The following EYS variants were observed in gnomAD, a reference collection of about 807,000 sequenced individuals.
EYS encodes the protein EGF-like photoreceptor maintenance factor.
Under a neutral mutation model 282.1 loss-of-function variants are expected in EYS, and 250 were observed. The ratio of observed to expected loss-of-function variants is 0.89; its 90% CI spans 0.80 to 0.98. EYS has a LOEUF of 0.98. Ranked by LOEUF, EYS falls within the 50% of genes least tolerant of loss-of-function variation. The probability of loss-of-function intolerance (pLI) is 0.00; values close to 1 mark genes in which losing one functional copy is unlikely to be tolerated. For synonymous variants in EYS, 1,355 were observed against 1,282.9 expected (o/e 1.06, Z -1.20); for missense variants, 4,016 against 3,709.0 (o/e 1.08, Z -2.15).
chr6:65,320,256 A>G (rs951463178), intron 11 of EYS, among the ~76,000 whole-genome samples: 1 of 151,740 alleles, frequency 6.6e-6, no homozygotes, highest in African/African-American at 2.4e-5. Context: ...GAGATTCCAA[A>G]AGGAATAGAA....
intron 12 of EYS, among the ~76,000 whole-genome samples, chr6:65,293,509 T>C (rs1768583587): frequency 6.6e-6 from 1 of 151,862 alleles, no homozygotes; most frequent in Non-Finnish European, 1.5e-5. Flanking sequence ...AGTGGTTTTC[T>C]GCAGAGAAGA....
At chr6:65,193,027 C>T (rs1364023494) in intron 12 of EYS, among the ~76,000 whole-genome samples, 2 of 151,854 alleles carry the variant, frequency 1.3e-5, no homozygotes, top group Non-Finnish European at 2.9e-5. Context: ...TTTGCAACAA[C>T]ATGGATAGAA....
At chr6:65,361,537 G>T (rs1271621877) in intron 8 of EYS, among the ~76,000 whole-genome samples, 1 of 148,672 alleles carries the variant, frequency 6.7e-6, no homozygotes. Context: ...CTGGAATGCA[G>T]TAGTGCTATC....
Position 64,107,210 on chromosome 6 carries a change from A to G in EYS, c.6425-25208T>C, listed in dbSNP as rs555339723. On this transcript the variant is annotated intron_variant, in intron 31 of 42. Coordinates refer to ENST00000503581, the MANE Select transcript of EYS (RefSeq NM_001142800.2). ...GTACAGTCCCTTCAAACAGTGTATGAGTTGGATTCTCTAGAGGAACAGAAC... is the reference window on the plus strand; with the variant it reads ...GTACAGTCCCTTCAAACAGTGTATGGGTTGGATTCTCTAGAGGAACAGAAC... 2.8e-5 allele frequency among the ~76,000 whole-genome samples: 4 copies of G among 141,816 alleles called. No homozygotes were observed. The South Asian group carries it at 8.7e-4, about 31-fold the overall frequency. 93.0% of individuals were successfully genotyped at this position (141,816 alleles called of 152,430 possible).
intron 31 of EYS, among the ~76,000 whole-genome samples, chr6:64,135,378 G>A (rs1264306139): frequency 6.6e-6 from 1 of 152,048 alleles, no homozygotes. Context: ...TTGCACATAT[G>A]ATCAAAATTT....
At chr6:65,178,975 A>G (rs1765300912) in intron 12 of EYS, among the ~76,000 whole-genome samples, 1 of 152,050 alleles carries the variant, frequency 6.6e-6, no homozygotes, top group Non-Finnish European at 1.5e-5. Flanking sequence ...GGTACATAAC[A>G]AAATGAAGGC....
At chr6:64,019,272 G>C (rs1769058759) in intron 33 of EYS, among the ~76,000 whole-genome samples, 1 of 152,146 alleles carries the variant, frequency 6.6e-6, no homozygotes, top group Non-Finnish European at 1.5e-5. Context: ...AGTGCAGCCT[G>C]CCTACATAAC....
chr6:65,159,519 T>C lies in EYS; in HGVS notation c.2024-101792A>G, dbSNP rs115468461. Among the ~76,000 whole-genome samples, 972 of 151,034 alleles carry C rather than the reference T, an allele frequency of 6.4e-3. 13 individuals are homozygous for C. Among genetic ancestry groups the C allele is most frequent in the African/African-American group, 0.022 (915 of 41,398 alleles). On this transcript the variant is annotated intron_variant, in intron 12 of 42. Coordinates refer to ENST00000503581, the MANE Select transcript of EYS (RefSeq NM_001142800.2). ...AGTCAGGAGGCCCACAGAATTTAAA[T>C]GTTTTTTTGAGCACACGTTCAAAAT...
At chr6:64,151,317 T>TTATATATATATTTA (rs1774704617) in intron 31 of EYS, among the ~76,000 whole-genome samples, 1 of 52,472 alleles carries the variant, frequency 1.9e-5, no homozygotes, top group African/African-American at 9.4e-5. Context: ...GTGTGTATAT[T>TTATATATATATTTA]TATATATATA....
chr6:64,582,303 G>T (rs910650733), intron 26 of EYS, among the ~76,000 whole-genome samples: 1 of 152,116 alleles, frequency 6.6e-6, no homozygotes, highest in Non-Finnish European at 1.5e-5. Flanking sequence ...GGTGAACCCC[G>T]TTGTGAACTG....
intron 35 of EYS, among the ~76,000 whole-genome samples, chr6:63,925,501 G>A (rs909393383): frequency 6.6e-6 from 1 of 152,118 alleles, no homozygotes; most frequent in African/African-American, 2.4e-5. Flanking sequence ...ACGTATTTCT[G>A]GTTTCTTTGG....
chr6:64,285,722 C>T (rs1446744747), intron 30 of EYS, among the ~76,000 whole-genome samples: 1 of 152,142 alleles, frequency 6.6e-6, no homozygotes, highest in Admixed American at 6.6e-5. Flanking sequence ...GGAGGCTTCA[C>T]AATCATAATG....
intron 1 of EYS, among the ~76,000 whole-genome samples, chr6:65,706,198 G>T (rs1159618540): frequency 7.0e-6 from 1 of 143,836 alleles, no homozygotes; most frequent in African/African-American, 2.7e-5. Flanking sequence ...GTATATATAT[G>T]AGCATATATA....
chr6:65,516,833 G>C (rs188164368), intron 2 of EYS, among the ~76,000 whole-genome samples: 1 of 152,120 alleles, frequency 6.6e-6, no homozygotes, highest in Admixed American at 6.6e-5. Flanking sequence ...AAAGGAAGAA[G>C]AGTTTATGAG....
intron 31 of EYS, among the ~76,000 whole-genome samples, chr6:64,184,747 T>A (rs190675441): frequency 6.6e-6 from 1 of 152,294 alleles, no homozygotes; most frequent in East Asian, 1.9e-4. Flanking sequence ...CACAAATCAG[T>A]TTTGAAATCT....
chr6:64,099,065 C>T lies in EYS; in HGVS notation c.6425-17063G>A, dbSNP rs190856688. ...AAGGCCACAGTGAGATATTCTAATG[C>T]CTCAATCCTTCTAATTTATCTTCTG... On this transcript the variant is annotated intron_variant, in intron 31 of 42. Coordinates refer to ENST00000503581, the MANE Select transcript of EYS (RefSeq NM_001142800.2). Among the ~76,000 whole-genome samples the T allele has an allele frequency of 2.4e-3, 367 of 152,184 alleles. 2 individuals carry two copies. Among genetic ancestry groups the T allele is most frequent in the African/African-American group, 8.4e-3 (348 of 41,512 alleles).
intron 29 of EYS, among the ~76,000 whole-genome samples, chr6:64,308,464 A>AT (rs1168915404): frequency 1.3e-5 from 2 of 152,082 alleles, no homozygotes; most frequent in Non-Finnish European, 2.9e-5. Context: ...ATGAGCATTC[A>AT]TTCAGATGCT....
intron 2 of EYS, among the ~76,000 whole-genome samples, chr6:65,512,762 C>T (rs889432349): frequency 1.3e-5 from 2 of 151,916 alleles, no homozygotes; most frequent in Admixed American, 1.3e-4. Flanking sequence ...ACACAGCATA[C>T]CAGAATCTCT....
intron 31 of EYS, among the ~76,000 whole-genome samples, chr6:64,157,809 T>C (rs1450117713): frequency 6.6e-6 from 1 of 151,996 alleles, no homozygotes; most frequent in Non-Finnish European, 1.5e-5. Context: ...GCTGCAGGAG[T>C]GCGGCACTAA....
Sources: allele counts gnomAD v4.1 joint callset (sites outside exome capture counted in the v4.1 genomes callset), GRCh38; gene constraint gnomAD v4.1.1; transcripts MANE v1.5; gene names NCBI Gene and HGNC (gene_info 2026-07-23, HGNC 2026-07-21).